The following ISY1 variants were observed in gnomAD, a reference collection of about 807,000 sequenced individuals.
ISY1 encodes ISY1 spliceosome associated protein, also known as pre-mRNA-splicing factor ISY1 homolog.
A neutral mutation model predicts 54.4 loss-of-function variants in ISY1; 12 were observed. The observed-to-expected ratio is 0.22, with a 90% confidence interval of 0.14 to 0.36. ISY1 has a LOEUF of 0.36. Among genes scored for constraint, ISY1 ranks in the 10% least tolerant of loss-of-function variants. The pLI, the probability that ISY1 is intolerant of heterozygous loss-of-function variation, is 1.00. For missense variants in ISY1, 282 were observed against 342.2 expected (o/e 0.82, Z 1.39); for synonymous variants, 96 against 117.9 (o/e 0.81, Z 1.20).
chr3:129,145,662 C>A, intron 6 of ISY1, 99 bp downstream of exon 6: 1 of 1,157,762 alleles, frequency 8.6e-7, no homozygotes, highest in Admixed American at 2.1e-5. Context: ...CTGTTCATAG[C>A]TTTCCTGTAT....
chr3:129,153,541 C>T (rs574620144), intron 5 of ISY1, among the ~76,000 whole-genome samples: 23 of 150,676 alleles, frequency 1.5e-4, no homozygotes, highest in African/African-American at 5.1e-4. Context: ...CCCAGCACTA[C>T]GGGAGGGTGA....
chr3:129,156,355 C>T (rs942812094), intron 5 of ISY1, among the ~76,000 whole-genome samples: 4 of 145,178 alleles, frequency 2.8e-5, no homozygotes, highest in Non-Finnish European at 6.0e-5. Context: ...GCCGAGATCG[C>T]ACCACTGCAC....
At chr3:129,136,751 G>A (rs1220498972) in intron 7 of ISY1, among the ~76,000 whole-genome samples, 50 of 150,374 alleles carry the variant, frequency 3.3e-4, no homozygotes, top group South Asian at 6.3e-4. Flanking sequence ...GTGCAATGGC[G>A]TGATCTCAGC....
At chr3:129,155,855 G>A (rs947944817) in intron 5 of ISY1, among the ~76,000 whole-genome samples, 4 of 151,886 alleles carry the variant, frequency 2.6e-5, no homozygotes, top group Non-Finnish European at 5.9e-5. Context: ...CCAAGTAGCT[G>A]GGATTACAAG....
Position 129,129,985 on chromosome 3 carries a change from G to T in ISY1, c.*96C>A. The stretch of plus-strand genomic sequence containing the variant: ...AGAGGGAAGGAAGGCTGAGAATGGG[G>T]CAGGAGCCCTTGCAGCACCAGCCTG... On this transcript the variant is annotated 3_prime_UTR_variant, in exon 11 of 11. Transcript: ENST00000393295. The T allele has an allele frequency of 1.1e-6, 1 of 925,720 alleles. No homozygotes were observed. Among genetic ancestry groups the T allele is most frequent in the South Asian group, 1.8e-5 (1 of 56,524 alleles). 57.3% of individuals were successfully genotyped at this position (925,720 alleles called of 1,614,324 possible). A position where few individuals can be genotyped will look rare whatever the true frequency, so the allele number is the denominator to read the frequency against.
At chr3:129,133,063 C>T (rs1936279936) in intron 9 of ISY1, among the ~76,000 whole-genome samples, 1 of 152,104 alleles carries the variant, frequency 6.6e-6, no homozygotes, top group African/African-American at 2.4e-5. Flanking sequence ...AGCAAGGACT[C>T]CAAATATAGG....
intron 7 of ISY1, among the ~76,000 whole-genome samples, chr3:129,139,986 A>G (rs1473232954): frequency 1.3e-5 from 2 of 152,132 alleles, no homozygotes; most frequent in Non-Finnish European, 2.9e-5. Flanking sequence ...CCAAGATTGT[A>G]TTTGTTCTTT....
intron 6 of ISY1, chr3:129,144,136 C>T (rs780396779): frequency 2.3e-6 from 1 of 432,136 alleles, no homozygotes; most frequent in South Asian, 1.7e-5. Context: ...ATAAAATCTC[C>T]ACCACACAAC....
chr3:129,148,419 C>G (rs1253388428), intron 5 of ISY1, among the ~76,000 whole-genome samples: 1 of 152,158 alleles, frequency 6.6e-6, no homozygotes, highest in East Asian at 1.9e-4. Flanking sequence ...CATGAGAGTT[C>G]ATTACTTCAC....
At chr3:129,146,131 A>G (rs1560018944) in intron 5 of ISY1, among the ~76,000 whole-genome samples, 1 of 152,202 alleles carries the variant, frequency 6.6e-6, no homozygotes, top group African/African-American at 2.4e-5. Flanking sequence ...AAAAAAATAT[A>G]AACAACCCTG....
Position 129,149,607 on chromosome 3 carries a change from AAAAATATATAT to A in ISY1, c.188-3745_188-3735del, listed in dbSNP as rs1486986003. Among the ~76,000 whole-genome samples the A allele has an allele frequency of 7.3e-5, 6 of 82,534 alleles. No individual in the cohort carries two copies. In the South Asian group the frequency reaches 1.2e-3, roughly 16 times the overall value. The allele number at this position is 82,534 out of a possible 152,430, so 54.1% of individuals were successfully genotyped here. Reference sequence around the variant, plus strand: ...ACTAAAAAAAAAAAAAAAAAAAAAAAAAAATATATATATATATATATATATATATACACAAA... The same window carrying A: ...ACTAAAAAAAAAAAAAAAAAAAAAAAATATATATATATATATATACACAAA... On this transcript the variant is annotated intron_variant, in intron 5 of 10. Transcript: ENST00000393295.
intron 9 of ISY1, among the ~76,000 whole-genome samples, chr3:129,131,704 C>A (rs140530712): frequency 6.6e-6 from 1 of 152,160 alleles, no homozygotes; most frequent in Admixed American, 6.5e-5. Flanking sequence ...TCAAGGCCAT[C>A]GTGAAAGGTG....
intron 7 of ISY1, among the ~76,000 whole-genome samples, chr3:129,137,591 G>C (rs1936454280): frequency 1.3e-5 from 2 of 152,158 alleles, no homozygotes; most frequent in East Asian, 1.9e-4. Context: ...CTAGCGCTTT[G>C]GGAGGCCGAG....
intron 5 of ISY1, among the ~76,000 whole-genome samples, chr3:129,146,693 A>T (rs1242704440): frequency 2.6e-5 from 4 of 152,158 alleles, no homozygotes; most frequent in Non-Finnish European, 5.9e-5. Context: ...GCTGCAACTC[A>T]TCCAACTCTA....
intron 6 of ISY1, among the ~76,000 whole-genome samples, chr3:129,141,962 T>C (rs1391277025): frequency 2.6e-5 from 4 of 152,080 alleles, no homozygotes; most frequent in Non-Finnish European, 5.9e-5. Context: ...CCCAGCACTT[T>C]GTGAGACCAA....
chr3:129,133,761 G>A (rs1936306749), intron 9 of ISY1, among the ~76,000 whole-genome samples: 1 of 152,170 alleles, frequency 6.6e-6, no homozygotes, highest in Admixed American at 6.6e-5. Flanking sequence ...GTGAACAGAA[G>A]TGATGAGGTC....
chr3:129,147,172 C>T (rs945760506), intron 5 of ISY1, among the ~76,000 whole-genome samples: 6 of 151,880 alleles, frequency 4.0e-5, no homozygotes, highest in Admixed American at 6.6e-5. Context: ...GTCAGGAGTT[C>T]GAGACCAGCC....
At chr3:129,151,174 T>A (rs898995684) in intron 5 of ISY1, among the ~76,000 whole-genome samples, 2 of 147,344 alleles carry the variant, frequency 1.4e-5, no homozygotes, top group South Asian at 4.2e-4. Flanking sequence ...TATATAAAAA[T>A]ATATATAAAT....
At chr3:129,150,427 T>C (rs1260468474) in intron 5 of ISY1, among the ~76,000 whole-genome samples, 1 of 152,182 alleles carries the variant, frequency 6.6e-6, no homozygotes. Flanking sequence ...TATACCTAAG[T>C]ATGGCCAGGC....
Sources: gnomAD v4.1 joint callset for allele counts (sites outside exome capture counted in the v4.1 genomes callset) on GRCh38, gnomAD v4.1.1 for gene constraint, MANE v1.5 for transcripts, NCBI Gene and HGNC (gene_info 2026-07-23, HGNC 2026-07-21) for gene names.